ELMO1: variants seen among roughly 807,000 people sequenced by gnomAD.
ELMO1 encodes the protein engulfment and cell motility 1.
Under a neutral mutation model 98.9 loss-of-function variants are expected in ELMO1, and 26 were observed. The ratio of observed to expected loss-of-function variants is 0.26; its 90% CI spans 0.19 to 0.36. The LOEUF is 0.36. ELMO1 is among the 10% of genes least tolerant of loss of function. The pLI is 1.00. For missense variants in ELMO1, 627 were observed against 935.2 expected (o/e 0.67, Z 4.30); for synonymous variants, 346 against 346.0 (o/e 1.00, Z 0.00).
At chr7:37,200,041 C>A (rs1294030921) in intron 13 of ELMO1, among the ~76,000 whole-genome samples, 1 of 152,112 alleles carries the variant, frequency 6.6e-6, no homozygotes, top group African/African-American at 2.4e-5. Context: ...CAAAGCTAAC[C>A]TTTTCTTTCC....
At chr7:37,259,099 T>G (rs927368271) in intron 6 of ELMO1, 82 bp downstream of exon 6, 2 of 1,449,008 alleles carry the variant, frequency 1.4e-6, no homozygotes, top group Admixed American at 2.4e-5. Context: ...AAAACAGAGT[T>G]TGCAAGTGTA....
chr7:37,333,597 A>G (rs1189678427), intron 2 of ELMO1, among the ~76,000 whole-genome samples: 1 of 152,234 alleles, frequency 6.6e-6, no homozygotes, highest in African/African-American at 2.4e-5. Context: ...AAAACTTGGC[A>G]AATTTTTAAG....
intron 16 of ELMO1, among the ~76,000 whole-genome samples, chr7:36,972,414 A>C (rs1445242613): frequency 6.6e-6 from 1 of 152,246 alleles, no homozygotes; most frequent in Admixed American, 6.5e-5. Context: ...TAGGACTGCC[A>C]TGACGAAGTA....
Position 37,286,976 on chromosome 7 carries a change from C to T in ELMO1, c.193-15094G>A, listed in dbSNP as rs990599759. On this transcript the variant is annotated intron_variant, in intron 4 of 21. Coordinates refer to ENST00000310758, the MANE Select transcript of ELMO1 (RefSeq NM_014800.11). The stretch of plus-strand genomic sequence containing the variant: ...TTGGGAGGTGGAGGCGGGCAGATCA[C>T]GAGGTCAGGAGTTTGACAGCAGCCT... Among the ~76,000 whole-genome samples, 6 of 152,066 alleles carry T rather than the reference C, an allele frequency of 3.9e-5. No individual in the cohort carries two copies. In the South Asian group the frequency reaches 6.2e-4, roughly 16 times the overall value.
At chr7:36,936,912 G>A (rs1301738087) in intron 16 of ELMO1, among the ~76,000 whole-genome samples, 1 of 152,118 alleles carries the variant, frequency 6.6e-6, no homozygotes, top group Non-Finnish European at 1.5e-5. Flanking sequence ...TGAAAATATG[G>A]TATTTCCTTT....
intron 16 of ELMO1, among the ~76,000 whole-genome samples, chr7:36,983,606 C>CA (rs1217850509): frequency 2.6e-5 from 4 of 152,010 alleles, no homozygotes; most frequent in Non-Finnish European, 5.9e-5. Flanking sequence ...CTAAAACAGG[C>CA]AAAAAAACTT....
chr7:36,968,173 T>C (rs1435091899), intron 16 of ELMO1, among the ~76,000 whole-genome samples: 1 of 152,200 alleles, frequency 6.6e-6, no homozygotes, highest in East Asian at 1.9e-4. Flanking sequence ...GAAATCATTC[T>C]ATTGGTTTTA....
chr7:36,866,290 G>C (rs1584271291), intron 20 of ELMO1, among the ~76,000 whole-genome samples: 1 of 152,292 alleles, frequency 6.6e-6, no homozygotes, highest in East Asian at 1.9e-4. Flanking sequence ...TTCTTTTCAA[G>C]TCTCAATGAG....
intron 14 of ELMO1, among the ~76,000 whole-genome samples, chr7:37,119,477 C>A (rs904707860): frequency 2.0e-5 from 3 of 152,170 alleles, no homozygotes; most frequent in Admixed American, 6.5e-5. Context: ...TAGTTAGGAT[C>A]TAAATCATTA....
At chr7:37,267,578 C>T (rs530068081) in intron 5 of ELMO1, among the ~76,000 whole-genome samples, 10 of 152,308 alleles carry the variant, frequency 6.6e-5, no homozygotes, top group African/African-American at 1.9e-4. Context: ...AGATTGCCCC[C>T]GAAGAGGGCA....
At chr7:37,071,455 A>G (rs1019175837) in intron 15 of ELMO1, among the ~76,000 whole-genome samples, 1 of 152,226 alleles carries the variant, frequency 6.6e-6, no homozygotes, top group Non-Finnish European at 1.5e-5. Context: ...AAGAGATTTC[A>G]TAACTGTGTT....
At chr7:37,150,057 T>G (rs1788252571) in intron 13 of ELMO1, among the ~76,000 whole-genome samples, 1 of 152,168 alleles carries the variant, frequency 6.6e-6, no homozygotes, top group African/African-American at 2.4e-5. Context: ...TGCCCAAATT[T>G]TGTGTCTTAG....
intron 15 of ELMO1, among the ~76,000 whole-genome samples, chr7:37,057,330 A>C (rs1415670652): frequency 6.6e-6 from 1 of 152,182 alleles, no homozygotes; most frequent in African/African-American, 2.4e-5. Flanking sequence ...TATAGGATTA[A>C]AGAGAATGAA....
chr7:37,140,072 T>C (rs1210370038), intron 13 of ELMO1, among the ~76,000 whole-genome samples: 1 of 152,038 alleles, frequency 6.6e-6, no homozygotes, highest in African/African-American at 2.4e-5. Context: ...CAACTCAAGA[T>C]GGATCAAATA....
intron 15 of ELMO1, among the ~76,000 whole-genome samples, chr7:37,036,686 G>A (rs1039794973): frequency 3.9e-5 from 6 of 152,170 alleles, no homozygotes; most frequent in African/African-American, 1.4e-4. Flanking sequence ...GCCTAGGATT[G>A]TTATAGGAGG....
chr7:37,249,052 C>T (rs1043134227), intron 6 of ELMO1, among the ~76,000 whole-genome samples: 7 of 152,244 alleles, frequency 4.6e-5, no homozygotes, highest in Non-Finnish European at 7.3e-5. Context: ...CCCTCAGTAA[C>T]GTACATTTCG....
chr7:37,243,041 G>A (rs1012138332), intron 7 of ELMO1, among the ~76,000 whole-genome samples: 8 of 152,002 alleles, frequency 5.3e-5, no homozygotes, highest in Non-Finnish European at 8.8e-5. Flanking sequence ...TATTTTGTCC[G>A]GATTTCATAA....
At chr7:37,136,407 A>G (rs1787265766) in intron 13 of ELMO1, among the ~76,000 whole-genome samples, 1 of 152,188 alleles carries the variant, frequency 6.6e-6, no homozygotes. Context: ...AAACATCATC[A>G]CCTAGGCACA....
At chr7:37,061,936 T>C (rs939673604) in intron 15 of ELMO1, among the ~76,000 whole-genome samples, 1 of 152,178 alleles carries the variant, frequency 6.6e-6, no homozygotes, top group Non-Finnish European at 1.5e-5. Context: ...AGGGTCACAC[T>C]GAAAGGCAAC....
Sources: gnomAD v4.1 joint callset for allele counts (sites outside exome capture counted in the v4.1 genomes callset) on GRCh38, gnomAD v4.1.1 for gene constraint, MANE v1.5 for transcripts, NCBI Gene and HGNC (gene_info 2026-07-23, HGNC 2026-07-21) for gene names.